The following AS3MT variants were observed in gnomAD, a reference collection of about 807,000 sequenced individuals.
The protein encoded by AS3MT is S-adenosyl-L-methionine:arsenic(III) methyltransferase.
In AS3MT, 47 loss-of-function variants were observed where a neutral mutation model predicts 45.3. That is an observed-to-expected ratio of 1.04 (90% confidence interval 0.82 to 1.32). The LOEUF is 1.32. Among genes scored for constraint, AS3MT ranks in the 40% most tolerant of loss-of-function variants. AS3MT has a pLI of 0.00. For synonymous variants in AS3MT, 141 were observed against 152.8 expected (o/e 0.92, Z 0.57); for missense variants, 396 against 451.1 (o/e 0.88, Z 1.11).
chr10:102,873,315 C>G (rs1019567201), intron 5 of AS3MT, 82 bp downstream of exon 5: 1 of 1,148,068 alleles, frequency 8.7e-7, no homozygotes, highest in African/African-American at 1.6e-5. Flanking sequence ...GACTCTCGCT[C>G]TGTCACCCAG....
intron 7 of AS3MT, among the ~76,000 whole-genome samples, chr10:102,877,559 CAA>C (rs199723619): frequency 0.02 from 1,927 of 94,322 alleles, 31 homozygotes; most frequent in African/African-American, 0.073. Context: ...TGGAAAGTGC[CAA>C]AAAAAAAAAA....
intron 9 of AS3MT, among the ~76,000 whole-genome samples, chr10:102,880,438 A>G (rs1238104594): frequency 6.6e-6 from 1 of 152,134 alleles, no homozygotes; most frequent in Non-Finnish European, 1.5e-5. Flanking sequence ...TTCCTATCAT[A>G]CCATGATTTA....
intron 3 of AS3MT, among the ~76,000 whole-genome samples, chr10:102,871,482 G>T (rs1844682839): frequency 7.0e-6 from 1 of 142,906 alleles, no homozygotes; most frequent in Admixed American, 7.4e-5. Flanking sequence ...GGGAGGCGGA[G>T]CTTGCAGTGA....
intron 10 of AS3MT, among the ~76,000 whole-genome samples, chr10:102,895,198 CTTT>C (rs112372288): frequency 6.9e-6 from 1 of 143,892 alleles, no homozygotes. Flanking sequence ...TATTTTAGTT[CTTT>C]TTTTTTTTTT....
chr10:102,871,727 C>CAAACAAAACAAAACA lies in AS3MT; in HGVS notation c.171-703_171-689dup, dbSNP rs139792328. The stretch of plus-strand genomic sequence containing the variant: ...TGGGCGACAGAGCGAGACTCCGTCT[C>CAAACAAAACAAAACA]AAACAAAACAAAACAAAACAAAACA... On this transcript the variant is annotated intron_variant, in intron 3 of 10. Transcript: ENST00000369880. 2.1e-3 allele frequency among the ~76,000 whole-genome samples: 315 copies of CAAACAAAACAAAACA among 148,222 alleles called. 1 individual carries two copies. Among genetic ancestry groups the CAAACAAAACAAAACA allele is most frequent in the Non-Finnish European group, 3.5e-3 (233 of 67,264 alleles).
At chr10:102,872,897 G>A (rs1423652039) in intron 4 of AS3MT, among the ~76,000 whole-genome samples, 200 bp from the exon 5 acceptor site, 1 of 152,108 alleles carries the variant, frequency 6.6e-6, no homozygotes, top group Non-Finnish European at 1.5e-5. Flanking sequence ...ATTGAATGAG[G>A]AGTTTATTCA....
chr10:102,875,595 G>A (rs1256276937), intron 6 of AS3MT, among the ~76,000 whole-genome samples: 2 of 151,782 alleles, frequency 1.3e-5, no homozygotes, highest in Non-Finnish European at 2.9e-5. Context: ...GTGCAGCTTG[G>A]GCAATATAGT....
intron 10 of AS3MT, among the ~76,000 whole-genome samples, chr10:102,897,386 GAAA>G (rs201863292): frequency 1.6e-4 from 23 of 142,312 alleles, no homozygotes; most frequent in Non-Finnish European, 3.4e-4. Context: ...TCCGTCTCAA[GAAA>G]AAAAAAAAAT....
chr10:102,884,813 C>T (rs996497492), intron 9 of AS3MT, among the ~76,000 whole-genome samples: 8 of 152,132 alleles, frequency 5.3e-5, no homozygotes, highest in Admixed American at 3.3e-4. Context: ...TCCAAAACTG[C>T]TGGGATTACA....
chr10:102,870,037 C>CTCG, intron 2 of AS3MT, 47 bp from the exon 3 acceptor site: 1 of 1,513,588 alleles, frequency 6.6e-7, no homozygotes, highest in Non-Finnish European at 8.8e-7. Context: ...GCAGTCACAG[C>CTCG]TCTTCTCCCT....
intron 7 of AS3MT, among the ~76,000 whole-genome samples, chr10:102,877,347 T>C (rs1844798038): frequency 6.6e-6 from 1 of 152,148 alleles, no homozygotes; most frequent in African/African-American, 2.4e-5. Flanking sequence ...ATGAGGACAA[T>C]TGTTCCCAAG....
Position 102,877,073 on chromosome 10 carries a change from G to C in AS3MT, c.610+38G>C, listed in dbSNP as rs574817310. 3.8e-6 allele frequency: 6 copies of C among 1,571,092 alleles called. No homozygotes were observed. The African/African-American group carries it at 8.1e-5, about 21-fold the overall frequency. Reference sequence around the variant, plus strand: ...GTTTAGTTTAGTATTAAGGCAGATGGTTGTACATGTGCAGAACTCCTTTCT... The same window carrying C: ...GTTTAGTTTAGTATTAAGGCAGATGCTTGTACATGTGCAGAACTCCTTTCT... On this transcript the variant is annotated intron_variant, in intron 7 of 10. Coordinates refer to ENST00000369880, the MANE Select transcript of AS3MT (RefSeq NM_020682.4).
intron 9 of AS3MT, among the ~76,000 whole-genome samples, chr10:102,879,395 G>T (rs1844838518): frequency 6.6e-6 from 1 of 152,102 alleles, no homozygotes; most frequent in Admixed American, 6.5e-5. Context: ...GGGCTCAAGT[G>T]ATGTGCCCAC....
At chr10:102,891,861 G>A (rs1845075085) in intron 10 of AS3MT, among the ~76,000 whole-genome samples, 1 of 147,586 alleles carries the variant, frequency 6.8e-6, no homozygotes. Context: ...GAGATGGGAG[G>A]ATTGCTTGAG....
At chr10:102,879,979 G>A in intron 9 of AS3MT, among the ~76,000 whole-genome samples, 1 of 151,918 alleles carries the variant, frequency 6.6e-6, no homozygotes. Context: ...ATTTCAGCAT[G>A]CGTCCCATAG....
chr10:102,890,605 C>T lies in AS3MT; in HGVS notation c.947C>T (p.Ala316Val), dbSNP rs1845053556. The T allele has an allele frequency of 6.2e-7, 1 of 1,612,118 alleles. No homozygotes were observed. Among genetic ancestry groups the T allele is most frequent in the African/African-American group, 1.3e-5 (1 of 74,756 alleles). Residue 316 changes from alanine (A) to valine (V), a missense_variant, in exon 10 of 11, where the codon GCT (alanine) becomes GTT (valine). By Grantham distance (64) the Ala-to-Val change is moderately conservative. Coordinates refer to ENST00000369880, the MANE Select transcript of AS3MT (RefSeq NM_020682.4). ...GCTATCTTGAAGAATTCAAGATTTGCTCAAGATTTTCTGATCAGACCAATT... is the reference window on the plus strand; with the variant it reads ...GCTATCTTGAAGAATTCAAGATTTGTTCAAGATTTTCTGATCAGACCAATT... ...TAAILKNSRF[A>V]QDFLIRPIGE... is the part of the protein sequence containing the mutation.
intron 4 of AS3MT, 126 bp from the exon 5 acceptor site, chr10:102,872,971 A>G (rs1470096820): frequency 2.5e-6 from 2 of 816,160 alleles, no homozygotes; most frequent in East Asian, 2.8e-5. Flanking sequence ...ACGTGTCCAC[A>G]GGAATCTTGT....
At chr10:102,897,675 A>G (rs1845199935) in intron 10 of AS3MT, among the ~76,000 whole-genome samples, 2 of 152,108 alleles carry the variant, frequency 1.3e-5, no homozygotes, top group South Asian at 4.1e-4. Context: ...CGGGTTGCCC[A>G]GGCTGGTGGT....
Position 102,870,178 on chromosome 10 carries a change from C to A in AS3MT, c.137C>A (p.Ala46Asp). 1 of 1,614,194 alleles carries A rather than the reference C, an allele frequency of 6.2e-7. No homozygotes were observed. Among genetic ancestry groups the A allele is most frequent in the Non-Finnish European group, 8.5e-7 (1 of 1,180,038 alleles). Residue 46 changes from alanine to aspartate, a missense_variant, in exon 3 of 11, where the codon GCC becomes GAC. Coordinates refer to ENST00000369880, the MANE Select transcript of AS3MT (RefSeq NM_020682.4). ...CCGGTCCCCAAGCACATCCGGGAAGCCTTGCAAAATGTACACGAAGAAGTA... is the reference window on the plus strand; with the variant it reads ...CCGGTCCCCAAGCACATCCGGGAAGACTTGCAAAATGTACACGAAGAAGTA... ...ARPVPKHIREALQNVHEEVAL... is the reference protein window; with the variant it reads ...ARPVPKHIREDLQNVHEEVAL...
Sources: allele counts gnomAD v4.1 joint callset (sites outside exome capture counted in the v4.1 genomes callset), GRCh38; gene constraint gnomAD v4.1.1; transcripts MANE v1.5; gene names NCBI Gene and HGNC (gene_info 2026-07-23, HGNC 2026-07-21).